Variants in DST observed in about 807,000 individuals in gnomAD.
DST encodes dystonin, also known as bullous pemphigoid antigen.
Under a neutral mutation model 875.2 loss-of-function variants are expected in DST, and 253 were observed. The ratio of observed to expected loss-of-function variants is 0.29; its 90% CI spans 0.26 to 0.32. The LOEUF (loss-of-function observed/expected upper bound fraction) is 0.32. DST is among the 10% of genes least tolerant of loss of function. The probability of loss-of-function intolerance (pLI) is 1.00; values close to 1 mark genes in which losing one functional copy is unlikely to be tolerated. For synonymous variants in DST, 3,124 were observed against 3,197.1 expected (o/e 0.98, Z 0.77); for missense variants, 8,287 against 9,111.6 (o/e 0.91, Z 3.68).
intron 62 of DST, among the ~76,000 whole-genome samples, chr6:56,535,708 T>C (rs1450969211): frequency 1.3e-5 from 2 of 152,246 alleles, no homozygotes. Context: ...AGAACTATTA[T>C]AGCAGAGAGA....
chr6:56,793,068 CAAAAAAAA>C (rs61457774), intron 4 of DST, among the ~76,000 whole-genome samples: 6 of 42,344 alleles, frequency 1.4e-4, no homozygotes, highest in East Asian at 1.3e-3. Context: ...GACCCTGTCT[CAAAAAAAA>C]AAAAAAAAAA....
At chr6:56,950,667 C>G (rs1177346657) in intron 2 of DST, among the ~76,000 whole-genome samples, 1 of 152,120 alleles carries the variant, frequency 6.6e-6, no homozygotes, top group Non-Finnish European at 1.5e-5. Flanking sequence ...ATAACAAGAA[C>G]AAAAACACTG....
intron 49 of DST, among the ~76,000 whole-genome samples, chr6:56,589,598 C>A (rs1372047477): frequency 6.6e-6 from 1 of 152,222 alleles, no homozygotes; most frequent in Non-Finnish European, 1.5e-5. Context: ...TAGCGCAAGT[C>A]TGGAAGGCTG....
intron 4 of DST, chr6:56,742,510 C>G: frequency 2.5e-6 from 1 of 401,818 alleles, no homozygotes; most frequent in African/African-American, 2.1e-5. Flanking sequence ...CAAAGCCAGA[C>G]TCCTCTACTA....
At chr6:56,636,253 T>C (rs1001017557) in intron 23 of DST, among the ~76,000 whole-genome samples, 3 of 149,064 alleles carry the variant, frequency 2.0e-5, no homozygotes, top group African/African-American at 5.1e-5. Context: ...TATATATATA[T>C]ATACACACAC....
At chr6:56,914,817 C>T (rs1462877674) in intron 2 of DST, among the ~76,000 whole-genome samples, 1 of 152,110 alleles carries the variant, frequency 6.6e-6, no homozygotes, top group African/African-American at 2.4e-5. Flanking sequence ...AAACACTGGG[C>T]AATATACACA....
At chr6:56,568,785 T>C (rs1239259229) in intron 54 of DST, among the ~76,000 whole-genome samples, 190 bp from the exon 55 acceptor site, 1 of 152,130 alleles carries the variant, frequency 6.6e-6, no homozygotes, top group Non-Finnish European at 1.5e-5. Context: ...AACGGTTGGG[T>C]ATGTATGGCC....
chr6:56,615,458 G>A lies in DST; in HGVS notation c.4930-974C>T. On this transcript the variant is annotated intron_variant, in intron 36 of 103. Coordinates refer to ENST00000680361, the MANE Select transcript of DST (RefSeq NM_001374736.1). ...TATGTAGCCGATATCATCATACTCT[G>A]AAAAAGTGGCATGAACCAGCCTGCA... The A allele has an allele frequency of 4.3e-6, 7 of 1,610,850 alleles. No homozygotes were observed. The South Asian group carries it at 7.7e-5, about 18-fold the overall frequency.
At chr6:56,689,727 C>T (rs1294785971) in intron 9 of DST, among the ~76,000 whole-genome samples, 1 of 152,118 alleles carries the variant, frequency 6.6e-6, no homozygotes, top group Non-Finnish European at 1.5e-5. Flanking sequence ...AGGTGACATC[C>T]AGGCATCTAT....
intron 10 of DST, among the ~76,000 whole-genome samples, chr6:56,659,368 GA>G (rs756347134): frequency 2.6e-5 from 4 of 152,314 alleles, no homozygotes; most frequent in South Asian, 2.1e-4. Flanking sequence ...CCTTGTGAAA[GA>G]GGCCAAGTTT....
chr6:56,657,963 G>A (rs940819704), intron 10 of DST, among the ~76,000 whole-genome samples: 1 of 151,904 alleles, frequency 6.6e-6, no homozygotes, highest in East Asian at 1.9e-4. Flanking sequence ...ACGGGGTTTC[G>A]CCATGTTGGC....
rs757957558 is a variant in DST at position 56,900,493 on chromosome 6, T to G, written c.345A>C (p.Arg115=). ...QSEQETSVRK[R]RIKKSSRVQP... ...GGACTCGGCTGCTCTTCTTGATTCT[T>G]CGTTTCCTCACTGAAGTTTCTTGCT... The change falls in exon 3 of 104, where the codon CGA becomes CGC. Residue 115 remains arginine, a synonymous_variant. Coordinates refer to ENST00000680361, the MANE Select transcript of DST (RefSeq NM_001374736.1). The G allele has an allele frequency of 2.2e-6, 3 of 1,367,736 alleles. No individual in the cohort carries two copies. The highest frequency in any genetic ancestry group is 2.9e-6 in the Non-Finnish European group (3 of 1,021,858). The allele number at this position is 1,367,736 out of a possible 1,614,324, so 84.7% of individuals were successfully genotyped here.
intron 4 of DST, among the ~76,000 whole-genome samples, chr6:56,772,294 TAAG>T (rs1468458690): frequency 6.6e-6 from 1 of 152,100 alleles, no homozygotes; most frequent in Non-Finnish European, 1.5e-5. Flanking sequence ...TGATGGAAAA[TAAG>T]AACTAAAAAT....
chr6:56,888,627 A>T (rs1299125127), intron 3 of DST, among the ~76,000 whole-genome samples: 2 of 152,164 alleles, frequency 1.3e-5, no homozygotes, highest in Non-Finnish European at 2.9e-5. Flanking sequence ...GAACACAGAA[A>T]CACCCTGCTA....
intron 4 of DST, among the ~76,000 whole-genome samples, chr6:56,805,499 C>T (rs2099752047): frequency 6.6e-6 from 1 of 151,830 alleles, no homozygotes; most frequent in South Asian, 2.1e-4. Flanking sequence ...CAAAAAAAAA[C>T]ACCTTCAGTA....
At chr6:56,828,687 A>C (rs2099783655) in intron 4 of DST, among the ~76,000 whole-genome samples, 1 of 152,166 alleles carries the variant, frequency 6.6e-6, no homozygotes, top group African/African-American at 2.4e-5. Context: ...CCTTTTCTGG[A>C]CTTTAGTTTT....
intron 4 of DST, among the ~76,000 whole-genome samples, chr6:56,817,204 G>A (rs905754344): frequency 1.3e-5 from 2 of 151,992 alleles, no homozygotes; most frequent in African/African-American, 4.8e-5. Context: ...TTTCACTCTG[G>A]CATCTCCCTT....
At chr6:56,763,684 T>TATAC (rs1554721698) in intron 4 of DST, among the ~76,000 whole-genome samples, 2 of 117,100 alleles carry the variant, frequency 1.7e-5, no homozygotes, top group African/African-American at 3.5e-5. Context: ...AAAATACCTA[T>TATAC]ACACACACAC....
At chr6:56,887,838 A>C (rs1482515985) in intron 3 of DST, among the ~76,000 whole-genome samples, 1 of 152,130 alleles carries the variant, frequency 6.6e-6, no homozygotes, top group Non-Finnish European at 1.5e-5. Context: ...GTTTATAGAG[A>C]CTAAACTGTT....
Sources: gnomAD v4.1 joint callset for allele counts (sites outside exome capture counted in the v4.1 genomes callset) on GRCh38, gnomAD v4.1.1 for gene constraint, MANE v1.5 for transcripts, NCBI Gene and HGNC (gene_info 2026-07-23, HGNC 2026-07-21) for gene names.